DCLK1: variants seen among roughly 807,000 people sequenced by gnomAD.
DCLK1 encodes the protein serine/threonine-protein kinase DCLK1.
DCLK1 carries 16 observed loss-of-function variants against 86.2 expected under a neutral mutation model. That is an observed-to-expected ratio of 0.19 (90% CI 0.13 to 0.28). The LOEUF (loss-of-function observed/expected upper bound fraction) is 0.28, where lower values mean the gene tolerates loss of function less well. Ranked by LOEUF, DCLK1 falls within the 10% of genes least tolerant of loss-of-function variation. The pLI, the probability that DCLK1 is intolerant of heterozygous loss-of-function variation, is 1.00. For synonymous variants in DCLK1, 369 were observed against 370.5 expected (o/e 1.00, Z 0.05); for missense variants, 590 against 940.2 (o/e 0.63, Z 4.87).
intron 3 of DCLK1, among the ~76,000 whole-genome samples, chr13:35,969,628 A>G (rs1443871322): frequency 6.6e-6 from 1 of 152,208 alleles, no homozygotes; most frequent in Non-Finnish European, 1.5e-5. Flanking sequence ...GTGTGCTCAC[A>G]AGAGATGGCA....
At chr13:36,011,688 A>C (rs1421318235) in intron 3 of DCLK1, among the ~76,000 whole-genome samples, 7 of 152,112 alleles carry the variant, frequency 4.6e-5, no homozygotes, top group Non-Finnish European at 2.9e-5. Context: ...TGGTGCTGAA[A>C]AAAATGTATA....
chr13:35,871,208 C>T lies in DCLK1; in HGVS notation c.940+16G>A, dbSNP rs1872252129. The T allele has an allele frequency of 6.2e-7, 1 of 1,603,240 alleles. No individual in the cohort carries two copies. The highest frequency in any genetic ancestry group is 1.3e-5 in the African/African-American group (1 of 74,564). On this transcript the variant is annotated intron_variant, in intron 5 of 16. Transcript: ENST00000360631. Reference sequence around the variant, plus strand: ...GGAACAAGGCAATTTCTTCAAAATCCCCTCTGCTGCTTTACCTGAGCTGGT... The same window carrying T: ...GGAACAAGGCAATTTCTTCAAAATCTCCTCTGCTGCTTTACCTGAGCTGGT...
At chr13:36,008,224 A>AT (rs1392172740) in intron 3 of DCLK1, among the ~76,000 whole-genome samples, 2,084 of 48,328 alleles carry the variant, frequency 0.043, 44 homozygotes, top group Middle Eastern at 0.16. Flanking sequence ...TATTATTATT[A>AT]TTATTTTTTT....
At chr13:35,813,363 G>C (rs2087191872) in intron 11 of DCLK1, among the ~76,000 whole-genome samples, 1 of 152,192 alleles carries the variant, frequency 6.6e-6, no homozygotes, top group Admixed American at 6.5e-5. Context: ...GACAAAAGCA[G>C]ATGTTGGTGG....
Position 35,951,262 on chromosome 13 carries a change from GATGGATGC to G in DCLK1, c.724-3813_724-3806del, listed in dbSNP as rs965053908. ...TGGATGGACGATGGATGGATTAATG[GATGGATGC>G]ATGGATGGATGGATGGATGGATGGA... On this transcript the variant is annotated intron_variant, in intron 3 of 16. Coordinates refer to ENST00000360631, the MANE Select transcript of DCLK1 (RefSeq NM_001330071.2). Among the ~76,000 whole-genome samples, 8 of 110,390 alleles carry G rather than the reference GATGGATGC, an allele frequency of 7.2e-5. 1 individual carries two copies. The highest frequency in any genetic ancestry group is 2.3e-4 in the African/African-American group (7 of 30,554). The allele number at this position is 110,390 out of a possible 152,430, so 72.4% of individuals were successfully genotyped here.
At chr13:36,125,219 G>A (rs151175388) in intron 2 of DCLK1, among the ~76,000 whole-genome samples, 49 of 152,246 alleles carry the variant, frequency 3.2e-4, no homozygotes, top group Middle Eastern at 3.4e-3. Flanking sequence ...GCAGTGGAAC[G>A]AGCTGTCAGA....
At position 35,979,154 on chromosome 13, in the gene DCLK1, G is replaced by T. The variant is rs554734319; in HGVS notation, c.724-31697C>A. On this transcript the variant is annotated intron_variant, in intron 3 of 16. Coordinates refer to ENST00000360631, the MANE Select transcript of DCLK1 (RefSeq NM_001330071.2). ...GCCACAAAACAGAAGCTATGTTTTTGGTCTGGAGAAATATTCTCCACCTGG... is the reference window on the plus strand; with the variant it reads ...GCCACAAAACAGAAGCTATGTTTTTTGTCTGGAGAAATATTCTCCACCTGG... 2.7e-3 allele frequency among the ~76,000 whole-genome samples: 404 copies of T among 152,276 alleles called. 2 individuals are homozygous for T. The highest frequency in any genetic ancestry group is 9.6e-3 in the African/African-American group (399 of 41,550).
At chr13:36,023,009 A>T (rs967330318) in intron 3 of DCLK1, among the ~76,000 whole-genome samples, 17 of 152,328 alleles carry the variant, frequency 1.1e-4, no homozygotes, top group Admixed American at 2.0e-4. Flanking sequence ...ACCGAATACT[A>T]GAAAACTGAG....
intron 15 of DCLK1, among the ~76,000 whole-genome samples, chr13:35,803,806 A>G (rs1426960000): frequency 6.6e-6 from 1 of 152,234 alleles, no homozygotes; most frequent in Admixed American, 6.5e-5. Flanking sequence ...GTACAGCCAG[A>G]TGATTCAGTG....
intron 3 of DCLK1, among the ~76,000 whole-genome samples, chr13:36,039,658 A>T (rs1882632967): frequency 6.6e-6 from 1 of 152,134 alleles, no homozygotes; most frequent in African/African-American, 2.4e-5. Context: ...ACATACAAAT[A>T]CACTGCCCTT....
At chr13:36,099,079 T>G (rs1885110396) in intron 3 of DCLK1, among the ~76,000 whole-genome samples, 1 of 152,036 alleles carries the variant, frequency 6.6e-6, no homozygotes, top group Admixed American at 6.6e-5. Flanking sequence ...GCGATTCTCC[T>G]GCCTCAGCCT....
chr13:35,892,137 G>A (rs771120560), intron 4 of DCLK1, among the ~76,000 whole-genome samples: 5 of 152,062 alleles, frequency 3.3e-5, no homozygotes, highest in Non-Finnish European at 7.4e-5. Flanking sequence ...GTGACACACC[G>A]TGTTATGCAA....
In DCLK1 at chr13:35,975,896, C is replaced by G. The variant is rs117723560; in HGVS notation, c.724-28439G>C. Among the ~76,000 whole-genome samples the G allele has an allele frequency of 6.0e-4, 91 of 152,286 alleles. 1 individual carries two copies. The East Asian group carries it at 0.017, about 29-fold the overall frequency. On this transcript the variant is annotated intron_variant, in intron 3 of 16. Coordinates refer to ENST00000360631, the MANE Select transcript of DCLK1 (RefSeq NM_001330071.2). ...CCATCTACTCGTGATTTGAAAACTT[C>G]CACAATGCACTACCAGCTGCAAAGC...
intron 2 of DCLK1, among the ~76,000 whole-genome samples, chr13:36,118,476 C>T (rs1885869625): frequency 6.6e-6 from 1 of 151,988 alleles, no homozygotes; most frequent in African/African-American, 2.4e-5. Context: ...CCATACACCA[C>T]AATAGATACA....
intron 15 of DCLK1, among the ~76,000 whole-genome samples, chr13:35,794,270 A>T (rs553120059): frequency 6.6e-6 from 1 of 152,332 alleles, no homozygotes; most frequent in South Asian, 2.1e-4. Context: ...CTCACTATAG[A>T]ATCTCCAGGT....
At chr13:35,822,051 T>C (rs2087406962) in intron 11 of DCLK1, among the ~76,000 whole-genome samples, 1 of 152,148 alleles carries the variant, frequency 6.6e-6, no homozygotes, top group African/African-American at 2.4e-5. Context: ...TTGGATCATA[T>C]TATTGAGCTG....
At chr13:35,941,288 G>A (rs1232494115) in intron 4 of DCLK1, among the ~76,000 whole-genome samples, 2 of 152,198 alleles carry the variant, frequency 1.3e-5, no homozygotes, top group Admixed American at 6.5e-5. Flanking sequence ...TAGGGAAAGT[G>A]ATCAGAACCC....
chr13:35,942,111 T>A (rs1266761650), intron 4 of DCLK1, among the ~76,000 whole-genome samples: 1 of 152,182 alleles, frequency 6.6e-6, no homozygotes, highest in African/African-American at 2.4e-5. Flanking sequence ...TTTGACCACA[T>A]CAGCTCTCCT....
intron 6 of DCLK1, chr13:35,849,957 C>T (rs973675422): frequency 1.0e-6 from 1 of 959,178 alleles, no homozygotes; most frequent in Non-Finnish European, 1.2e-6. Flanking sequence ...ATAGCAATGC[C>T]ATTGGCCAAG....
Sources: gnomAD v4.1 joint callset for allele counts (sites outside exome capture counted in the v4.1 genomes callset) on GRCh38, gnomAD v4.1.1 for gene constraint, MANE v1.5 for transcripts, NCBI Gene and HGNC (gene_info 2026-07-23, HGNC 2026-07-21) for gene names.